Variants in MAP4K4 observed in about 807,000 individuals in gnomAD.
MAP4K4 encodes mitogen-activated protein kinase kinase kinase kinase 4.
Under a neutral mutation model 189.6 loss-of-function variants are expected in MAP4K4, and 38 were observed. The observed-to-expected ratio is 0.20, with a 90% CI of 0.15 to 0.26. The LOEUF is 0.26. MAP4K4 is among the 10% of genes least tolerant of loss of function. MAP4K4 has a pLI of 1.00. For synonymous variants in MAP4K4, 610 were observed against 624.3 expected (o/e 0.98, Z 0.34); for missense variants, 1,054 against 1,726.9 (o/e 0.61, Z 6.91).
In MAP4K4 at chr2:101,792,215, G is replaced by A. The variant is rs574374304; in HGVS notation, c.180+1439G>A. Among the ~76,000 whole-genome samples the A allele has an allele frequency of 5.3e-5, 8 of 152,306 alleles. 1 individual carries two copies. In the South Asian group the frequency reaches 1.7e-3, roughly 32 times the overall value. On this transcript the variant is annotated intron_variant, in intron 3 of 32. Coordinates refer to ENST00000324219, the Ensembl canonical transcript of MAP4K4. Reference sequence around the variant, plus strand: ...GAATGCTGTGCATCTTGCCGGTGCTGTGTTGGGAGTGGTGTTGCTGGAAAA... The same window carrying A: ...GAATGCTGTGCATCTTGCCGGTGCTATGTTGGGAGTGGTGTTGCTGGAAAA...
chr2:101,861,026 G>C (rs929460733), intron 16 of MAP4K4, 40 bp downstream of exon 16: 12 of 1,538,878 alleles, frequency 7.8e-6, no homozygotes, highest in Non-Finnish European at 1.0e-5. Context: ...GGAGACTCAT[G>C]CAACGGCTCG....
intron 2 of MAP4K4, among the ~76,000 whole-genome samples, chr2:101,728,909 A>T (rs1362252548): frequency 6.6e-6 from 1 of 152,230 alleles, no homozygotes. Flanking sequence ...ACTGATTTAT[A>T]TTCAGAAACC....
intron 15 of MAP4K4, 99 bp downstream of exon 15, chr2:101,859,963 T>C (rs1445467642): frequency 5.1e-6 from 6 of 1,187,820 alleles, no homozygotes; most frequent in Middle Eastern, 1.9e-4. Context: ...CCATAGAGTT[T>C]AGCTAATTAT....
At chr2:101,732,350 A>C (rs928460865) in intron 2 of MAP4K4, among the ~76,000 whole-genome samples, 1 of 152,208 alleles carries the variant, frequency 6.6e-6, no homozygotes, top group African/African-American at 2.4e-5. Context: ...ATGGCAGGCA[A>C]CCATTCAGAG....
exon 33 of MAP4K4, chr2:101,892,939 T>G (rs2098591071): frequency 2.2e-6 from 1 of 456,330 alleles, no homozygotes; most frequent in East Asian, 6.9e-5. Flanking sequence ...AATAACTGCA[T>G]TATGGCTGCT....
chr2:101,767,119 TAATTGGTTGTGGAAGGCAACC>T (rs2078963817), intron 2 of MAP4K4, among the ~76,000 whole-genome samples: 1 of 152,200 alleles, frequency 6.6e-6, no homozygotes, highest in Non-Finnish European at 1.5e-5. Flanking sequence ...TGCAGACATC[TAATTGGTTGTGGAAGGCAACC>T]AATTCTCCTG....
At chr2:101,784,027 G>A (rs1441307925) in intron 2 of MAP4K4, among the ~76,000 whole-genome samples, 2 of 152,146 alleles carry the variant, frequency 1.3e-5, no homozygotes, top group African/African-American at 2.4e-5. Context: ...ATTGTTTGCA[G>A]CTCACATCTT....
At chr2:101,827,387 C>T (rs866370603) in intron 5 of MAP4K4, among the ~76,000 whole-genome samples, 2 of 152,000 alleles carry the variant, frequency 1.3e-5, no homozygotes, top group Non-Finnish European at 2.9e-5. Context: ...AGTGTGTGTT[C>T]ATTATAGGGG....
At chr2:101,766,756 T>C (rs1213723530) in intron 2 of MAP4K4, among the ~76,000 whole-genome samples, 2 of 152,238 alleles carry the variant, frequency 1.3e-5, no homozygotes, top group African/African-American at 4.8e-5. Flanking sequence ...AAACTTTGTC[T>C]TTTGCATAGG....
intron 3 of MAP4K4, among the ~76,000 whole-genome samples, chr2:101,799,333 C>T (rs907393939): frequency 3.9e-5 from 6 of 152,150 alleles, no homozygotes; most frequent in African/African-American, 7.2e-5. Context: ...GTTACCTTCT[C>T]CTTATTAAAG....
exon 33 of MAP4K4, chr2:101,891,235 C>T: frequency 1.9e-6 from 3 of 1,613,694 alleles, no homozygotes; most frequent in Non-Finnish European, 2.5e-6. Flanking sequence ...CAGGACTTCT[C>T]TTCTGAGCTG....
intron 3 of MAP4K4, among the ~76,000 whole-genome samples, chr2:101,800,372 A>G (rs2094247892): frequency 6.6e-6 from 1 of 152,230 alleles, no homozygotes; most frequent in African/African-American, 2.4e-5. Context: ...TGGTGGGATT[A>G]TAGGCGTGAG....
At chr2:101,751,993 T>A (rs2149989956) in intron 2 of MAP4K4, among the ~76,000 whole-genome samples, 1 of 152,324 alleles carries the variant, frequency 6.6e-6, no homozygotes, top group East Asian at 1.9e-4. Context: ...GTTTTGAGCA[T>A]TCTGATCCTC....
intron 3 of MAP4K4, among the ~76,000 whole-genome samples, chr2:101,818,059 T>TA (rs759395212): frequency 6.6e-6 from 1 of 152,240 alleles, no homozygotes; most frequent in East Asian, 1.9e-4. Flanking sequence ...GGCCAAAAAA[T>TA]AAAAAATAAA....
intron 13 of MAP4K4, among the ~76,000 whole-genome samples, chr2:101,856,799 C>T (rs1046792125): frequency 2.0e-5 from 3 of 152,078 alleles, no homozygotes; most frequent in African/African-American, 7.2e-5. Context: ...TTGTTATGAG[C>T]TTGGAATAAA....
chr2:101,782,342 C>T (rs1237934559), intron 2 of MAP4K4, among the ~76,000 whole-genome samples: 1 of 152,104 alleles, frequency 6.6e-6, no homozygotes, highest in African/African-American at 2.4e-5. Context: ...GTATAATTTT[C>T]TTTAAAGGGA....
At chr2:101,843,545 C>A (rs1286213546) in intron 11 of MAP4K4, among the ~76,000 whole-genome samples, 2 of 152,110 alleles carry the variant, frequency 1.3e-5, no homozygotes. Context: ...GCTCTGGATG[C>A]TGTGGCAGTG....
chr2:101,723,707 C>A (rs148262569), intron 2 of MAP4K4, among the ~76,000 whole-genome samples: 1 of 152,236 alleles, frequency 6.6e-6, no homozygotes, highest in East Asian at 1.9e-4. Context: ...TTGTTGCTAG[C>A]CTTGCTTTGT....
chr2:101,731,178 G>A (rs1292723513), intron 2 of MAP4K4, among the ~76,000 whole-genome samples: 3 of 151,626 alleles, frequency 2.0e-5, no homozygotes, highest in Non-Finnish European at 2.9e-5. Flanking sequence ...GTGCAGTGGC[G>A]CGATCTCGGC....
Sources: allele counts gnomAD v4.1 joint callset (sites outside exome capture counted in the v4.1 genomes callset), GRCh38; gene constraint gnomAD v4.1.1; transcripts MANE v1.5; gene names NCBI Gene and HGNC (gene_info 2026-07-23, HGNC 2026-07-21).